The following TPD52L2 variants were observed in gnomAD, a reference collection of about 807,000 sequenced individuals.
TPD52L2 encodes the protein tumor protein D54.
Under a neutral mutation model 24.7 loss-of-function variants are expected in TPD52L2, and 19 were observed. The observed-to-expected ratio is 0.77, with a 90% CI of 0.54 to 1.13. The LOEUF (loss-of-function observed/expected upper bound fraction) is 1.13, where lower values mean the gene tolerates loss of function less well. TPD52L2 is among the 50% of genes most tolerant of loss of function. TPD52L2 has a pLI of 0.00. For missense variants in TPD52L2, 236 were observed against 250.4 expected, an observed-to-expected ratio of 0.94 and a Z score of 0.39; for synonymous variants, 104 against 100.2, an observed-to-expected ratio of 1.04 and a Z score of -0.23.
At chr20:63,885,172 A>G (rs1244947729) in intron 5 of TPD52L2, among the ~76,000 whole-genome samples, 4 of 152,208 alleles carry the variant, frequency 2.6e-5, no homozygotes, top group East Asian at 1.9e-4. Flanking sequence ...ACAGCTGCCC[A>G]ACGCCCGTGT....
In TPD52L2 at chr20:63,877,957, G is replaced by A. The variant is rs1032157765; in HGVS notation, c.374+2082G>A. On this transcript the variant is annotated intron_variant, in intron 4 of 6. Transcript: ENST00000346249. The surrounding 1 kb of genome is among the most constrained non-coding windows in gnomAD (Gnocchi z 4.1). Reference sequence around the variant, plus strand: ...CAGGCCGAGGGCGATGGTTTCTGCCGGGACGGCCGAGGCCGAGGGCGGTGG... The same window carrying A: ...CAGGCCGAGGGCGATGGTTTCTGCCAGGACGGCCGAGGCCGAGGGCGGTGG... 6.6e-5 allele frequency among the ~76,000 whole-genome samples: 10 copies of A among 152,370 alleles called. No homozygotes were observed. The South Asian group carries it at 1.4e-3, about 22-fold the overall frequency.
At chr20:63,868,146 C>T (rs932769694) in intron 1 of TPD52L2, among the ~76,000 whole-genome samples, 2 of 152,158 alleles carry the variant, frequency 1.3e-5, no homozygotes, top group East Asian at 3.8e-4. Flanking sequence ...CTCCTGACCT[C>T]ATGTGATCCA....
chr20:63,873,883 G>C (rs2052560945), intron 3 of TPD52L2, 67 bp downstream of exon 3: 2 of 1,408,618 alleles, frequency 1.4e-6, no homozygotes, highest in Non-Finnish European at 1.9e-6. Flanking sequence ...GCCCCGGCAT[G>C]TGGGGGGGCG....
At chr20:63,886,465 A>G (rs924883504) in intron 5 of TPD52L2, among the ~76,000 whole-genome samples, 14 of 149,264 alleles carry the variant, frequency 9.4e-5, no homozygotes, top group Non-Finnish European at 1.2e-4. Context: ...GGTTCACGCC[A>G]TTCTCCTGCC....
In TPD52L2 at chr20:63,888,921, C is replaced by T. The variant is rs1030863773; in HGVS notation, c.477-269C>T. The stretch of plus-strand genomic sequence containing the variant: ...CCTGTAGGGTATGACAGAGAGGGGC[C>T]GACATCTCCCCAGCTGCACAGTCAA... On this transcript the variant is annotated intron_variant, in intron 5 of 6. Transcript: ENST00000346249. 336 of 547,842 alleles carry T rather than the reference C, an allele frequency of 6.1e-4. 3 individuals carry two copies. Among genetic ancestry groups the T allele is most frequent in the Non-Finnish European group, 1.0e-4 (31 of 303,198 alleles). 33.9% of individuals were successfully genotyped at this position (547,842 alleles called of 1,614,324 possible). A position where few individuals can be genotyped will look rare whatever the true frequency, so the allele number is the denominator to read the frequency against.
Position 63,865,353 on chromosome 20 carries a change from A to G in TPD52L2, c.-13A>G. The G allele has an allele frequency of 6.6e-7, 1 of 1,525,992 alleles. No individual in the cohort carries two copies. Among genetic ancestry groups the G allele is most frequent in the Non-Finnish European group, 8.8e-7 (1 of 1,142,346 alleles). The allele number at this position is 1,525,992 out of a possible 1,614,324, so 94.5% of individuals were successfully genotyped here. A position where few individuals can be genotyped will look rare whatever the true frequency, so the allele number is the denominator to read the frequency against. ...CATAGCGCCCGCGACAGCGGTCCGG[A>G]CGCCGCCCGAACATGGACTCCGCCG... On this transcript the variant is annotated 5_prime_UTR_variant, in exon 1 of 7. Coordinates refer to ENST00000346249, the MANE Select transcript of TPD52L2 (RefSeq NM_003288.4).
At chr20:63,887,834 G>T (rs1358439319) in intron 5 of TPD52L2, 3 of 582,626 alleles carry the variant, frequency 5.1e-6, no homozygotes, top group South Asian at 4.0e-5. Context: ...GGAGATCCTT[G>T]TGTCAAACTG....
intron 2 of TPD52L2, among the ~76,000 whole-genome samples, 153 bp downstream of exon 2, chr20:63,869,594 G>A (rs897995771): frequency 1.3e-5 from 2 of 152,172 alleles, no homozygotes; most frequent in Admixed American, 6.5e-5. Context: ...GGTTCTCTTT[G>A]TATGTGCCCA....
intron 3 of TPD52L2, among the ~76,000 whole-genome samples, chr20:63,874,546 T>C (rs2146200654): frequency 6.6e-6 from 1 of 152,088 alleles, no homozygotes; most frequent in Non-Finnish European, 1.5e-5. Flanking sequence ...GCTAATTTTT[T>C]CACGTTTTAT....
chr20:63,882,350 G>A (rs531122828), intron 4 of TPD52L2, among the ~76,000 whole-genome samples: 5 of 152,398 alleles, frequency 3.3e-5, no homozygotes, highest in East Asian at 1.9e-4. Context: ...CAAATGGGGC[G>A]TGTTCTCTGT....
At chr20:63,873,301 C>G (rs1311642220) in intron 2 of TPD52L2, among the ~76,000 whole-genome samples, 2 of 151,412 alleles carry the variant, frequency 1.3e-5, no homozygotes, top group Non-Finnish European at 2.9e-5. Flanking sequence ...ACGAGCCTGA[C>G]CAACATGGTG....
chr20:63,871,249 G>A, intron 2 of TPD52L2, among the ~76,000 whole-genome samples: 1 of 151,978 alleles, frequency 6.6e-6, no homozygotes, highest in East Asian at 1.9e-4. Flanking sequence ...CACCATGTTG[G>A]CCAGGCTGGT....
intron 4 of TPD52L2, among the ~76,000 whole-genome samples, chr20:63,881,063 C>T (rs575870864): frequency 6.6e-6 from 1 of 152,250 alleles, no homozygotes; most frequent in South Asian, 2.1e-4. Flanking sequence ...CGGTGGCTCA[C>T]ACCTGTCATC....
At position 63,889,988 on chromosome 20, in the gene TPD52L2, C is replaced by T; in HGVS notation, c.*43C>T. The T allele has an allele frequency of 6.2e-7, 1 of 1,611,748 alleles. No individual in the cohort carries two copies. Among genetic ancestry groups the T allele is most frequent in the East Asian group, 2.2e-5 (1 of 44,840 alleles). On this transcript the variant is annotated 3_prime_UTR_variant, in exon 7 of 7. Coordinates refer to ENST00000346249, the MANE Select transcript of TPD52L2 (RefSeq NM_003288.4). ...CCGCTGCAGAGCACACGCAACCCAG[C>T]CTCAGCATCACAGCCGCAGCTCTGT...
rs1555873182 is a variant in TPD52L2, at chr20:63,875,152, A to ATATATATAT, written c.315-664_315-663insTATATATAT. Among the ~76,000 whole-genome samples, 11 of 141,750 alleles carry ATATATATAT rather than the reference A, an allele frequency of 7.8e-5. No homozygotes were observed. In the South Asian group the frequency reaches 1.6e-3, roughly 20 times the overall value. 93.0% of individuals were successfully genotyped at this position (141,750 alleles called of 152,430 possible). ...GCAAGACTCTGTCTCAAAAAAAAAA[A>ATATATATAT]ATATATATATATATATATTTATATA... On this transcript the variant is annotated intron_variant, in intron 3 of 6. Coordinates refer to ENST00000346249, the MANE Select transcript of TPD52L2 (RefSeq NM_003288.4).
At chr20:63,872,046 T>C (rs75172092) in intron 2 of TPD52L2, among the ~76,000 whole-genome samples, 1 of 151,090 alleles carries the variant, frequency 6.6e-6, no homozygotes, top group Non-Finnish European at 1.5e-5. Context: ...CATGTTCTTT[T>C]TTTTTTTTTT....
At chr20:63,874,913 G>A (rs1227118207) in intron 3 of TPD52L2, among the ~76,000 whole-genome samples, 3 of 152,092 alleles carry the variant, frequency 2.0e-5, no homozygotes, top group East Asian at 3.8e-4. Context: ...GCTGAGGCGG[G>A]TGTATCACTT....
rs1360259821 is a variant in TPD52L2, at chr20:63,875,150, A to ATATAT, written c.315-666_315-665insTATAT. ...GAGCAAGACTCTGTCTCAAAAAAAA[A>ATATAT]AAATATATATATATATATATTTATA... On this transcript the variant is annotated intron_variant, in intron 3 of 6. Transcript: ENST00000346249. 5.6e-3 allele frequency among the ~76,000 whole-genome samples: 812 copies of ATATAT among 144,392 alleles called. 3 individuals are homozygous for ATATAT. The highest frequency in any genetic ancestry group is 9.1e-3 in the East Asian group (40 of 4,386). The allele number at this position is 144,392 out of a possible 152,430, so 94.7% of individuals were successfully genotyped here.
chr20:63,881,480 A>G (rs1389995421), intron 4 of TPD52L2, among the ~76,000 whole-genome samples: 3 of 152,194 alleles, frequency 2.0e-5, no homozygotes, highest in African/African-American at 7.2e-5. Flanking sequence ...ACTCTTGTCA[A>G]CTGTTTGGGG....
Sources: allele counts gnomAD v4.1 joint callset (sites outside exome capture counted in the v4.1 genomes callset), GRCh38; gene constraint gnomAD v4.1.1; non-coding constraint Gnocchi (gnomAD v3.1); transcripts MANE v1.5; gene names NCBI Gene and HGNC (gene_info 2026-07-23, HGNC 2026-07-21).